Variants in PARD3 observed in about 807,000 individuals in gnomAD.
PARD3 encodes partitioning defective 3 homolog.
In PARD3, 75 loss-of-function variants were observed where a neutral mutation model predicts 155.4. The ratio of observed to expected loss-of-function variants is 0.48; its 90% confidence interval spans 0.40 to 0.58. The LOEUF (loss-of-function observed/expected upper bound fraction) is 0.58. Among genes scored for constraint, PARD3 ranks in the 20% least tolerant of loss-of-function variants. PARD3 has a pLI of 0.00. For synonymous variants in PARD3, 576 were observed against 610.5 expected (o/e 0.94, Z 0.83); for missense variants, 1,642 against 1,721.7 (o/e 0.95, Z 0.82).
chr10:34,339,313 C>T (rs946666357), intron 16 of PARD3, among the ~76,000 whole-genome samples: 15 of 151,616 alleles, frequency 9.9e-5, no homozygotes, highest in Non-Finnish European at 1.9e-4. Context: ...GCCAAGATCG[C>T]GCCACTACAC....
intron 1 of PARD3, among the ~76,000 whole-genome samples, chr10:34,705,170 A>C (rs1431812829): frequency 6.6e-6 from 1 of 152,250 alleles, no homozygotes; most frequent in East Asian, 1.9e-4. Context: ...TTCATTTTTA[A>C]AAATGCTGAT....
rs1410480434 is a variant in PARD3, at chr10:34,434,811, T to G, written c.714+15506A>C. ...CTAAATATCAATGGCTGATAAAAGG[T>G]GCAATATCAGGATCCTGGACTGTCT... On this transcript the variant is annotated intron_variant, in intron 5 of 24. Transcript: ENST00000374788. Among the ~76,000 whole-genome samples, 4 of 152,062 alleles carry G rather than the reference T, an allele frequency of 2.6e-5. No individual in the cohort carries two copies. The East Asian group carries it at 7.7e-4, about 29-fold the overall frequency.
chr10:34,555,942 A>G (rs1195105564), intron 2 of PARD3, among the ~76,000 whole-genome samples: 1 of 152,240 alleles, frequency 6.6e-6, no homozygotes, highest in Admixed American at 6.5e-5. Context: ...AACCAACTAG[A>G]TTATCTCTCC....
At chr10:34,505,692 T>C (rs2081015343) in intron 3 of PARD3, among the ~76,000 whole-genome samples, 2 of 152,208 alleles carry the variant, frequency 1.3e-5, no homozygotes, top group East Asian at 3.8e-4. Context: ...AAAATAATAC[T>C]TCCCTGGCCA....
At chr10:34,163,218 G>A (rs902319569) in intron 22 of PARD3, among the ~76,000 whole-genome samples, 4 of 152,232 alleles carry the variant, frequency 2.6e-5, no homozygotes, top group Admixed American at 1.3e-4. Flanking sequence ...AAGTCTTGGG[G>A]AGGAGGCTTG....
chr10:34,557,982 C>A (rs1461477204), intron 2 of PARD3, among the ~76,000 whole-genome samples: 1 of 150,824 alleles, frequency 6.6e-6, no homozygotes, highest in Non-Finnish European at 1.5e-5. Flanking sequence ...CAAAAGGTAT[C>A]ACAAAACTGT....
At chr10:34,692,813 G>A (rs2094094053) in intron 2 of PARD3, among the ~76,000 whole-genome samples, 1 of 152,232 alleles carries the variant, frequency 6.6e-6, no homozygotes, top group Non-Finnish European at 1.5e-5. Context: ...GATGGAGGTT[G>A]CAGTGAGCTG....
In PARD3 at chr10:34,814,730, C is replaced by T. The variant is rs531126387; in HGVS notation, c.120+146G>A. 3.4e-5 allele frequency: 22 copies of T among 647,506 alleles called. No homozygotes were observed. The Admixed American group carries it at 5.8e-4, about 17-fold the overall frequency. The allele number at this position is 647,506 out of a possible 1,614,324, so 40.1% of individuals were successfully genotyped here. ...GAACTTTGGCGCCCGCAGTCCGGGG[C>T]GGGGGGCGCCCGCGAGGCCCGACCG... On this transcript the variant is annotated intron_variant, in intron 1 of 24. Transcript: ENST00000374788.
At chr10:34,342,685 G>T (rs1836960049) in intron 15 of PARD3, among the ~76,000 whole-genome samples, 1 of 152,124 alleles carries the variant, frequency 6.6e-6, no homozygotes, top group Non-Finnish European at 1.5e-5. Context: ...AAGCGTGAAG[G>T]ATTTTTAAAA....
intron 2 of PARD3, among the ~76,000 whole-genome samples, chr10:34,630,914 A>T (rs1280472504): frequency 6.6e-6 from 1 of 151,982 alleles, no homozygotes; most frequent in Non-Finnish European, 1.5e-5. Context: ...TCCTGGGCTC[A>T]TGCAACCCTG....
chr10:34,584,942 T>G (rs906668535), intron 2 of PARD3, among the ~76,000 whole-genome samples: 1 of 152,012 alleles, frequency 6.6e-6, no homozygotes, highest in African/African-American at 2.4e-5. Flanking sequence ...TTGCAAAGAC[T>G]TTTTTTTCAT....
intron 3 of PARD3, among the ~76,000 whole-genome samples, chr10:34,506,242 G>A (rs1050048491): frequency 1.3e-5 from 2 of 152,182 alleles, no homozygotes; most frequent in African/African-American, 2.4e-5. Flanking sequence ...ATCTTGAGGG[G>A]TAATAAGTAC....
intron 1 of PARD3, among the ~76,000 whole-genome samples, chr10:34,796,023 T>TA (rs1564627870): frequency 6.6e-6 from 1 of 152,228 alleles, no homozygotes; most frequent in Non-Finnish European, 1.5e-5. Context: ...TTAAGATCTT[T>TA]AAAAACTCCA....
intron 2 of PARD3, among the ~76,000 whole-genome samples, chr10:34,653,612 C>T (rs1360937312): frequency 6.6e-6 from 1 of 152,036 alleles, no homozygotes; most frequent in Non-Finnish European, 1.5e-5. Context: ...CAACATCACA[C>T]TTTTATATAA....
intron 23 of PARD3, 118 bp downstream of exon 23, chr10:34,131,345 T>A: frequency 9.5e-7 from 1 of 1,049,810 alleles, no homozygotes; most frequent in Non-Finnish European, 1.4e-6. Flanking sequence ...ATGTTAAAGG[T>A]CAAAGGAATT....
chr10:34,443,884 C>T (rs992815154), intron 5 of PARD3, among the ~76,000 whole-genome samples: 1 of 152,174 alleles, frequency 6.6e-6, no homozygotes, highest in East Asian at 1.9e-4. Flanking sequence ...GCTCCCAAAA[C>T]TCTGGCCTCT....
intron 3 of PARD3, among the ~76,000 whole-genome samples, chr10:34,487,022 A>G (rs1038572758): frequency 1.3e-5 from 2 of 151,986 alleles, no homozygotes; most frequent in African/African-American, 2.4e-5. Context: ...TTTGTAAACC[A>G]CAAATCAGAC....
At chr10:34,126,906 T>C (rs1947318257) in intron 23 of PARD3, among the ~76,000 whole-genome samples, 1 of 151,734 alleles carries the variant, frequency 6.6e-6, no homozygotes, top group South Asian at 2.1e-4. Context: ...GTCATCCAAA[T>C]AATTCCCTGC....
At chr10:34,803,359 T>C (rs1042769326) in intron 1 of PARD3, among the ~76,000 whole-genome samples, 1 of 152,182 alleles carries the variant, frequency 6.6e-6, no homozygotes, top group East Asian at 1.9e-4. Context: ...TCCTGATCCA[T>C]GATGTGTCAC....
Sources: gnomAD v4.1 joint callset for allele counts (sites outside exome capture counted in the v4.1 genomes callset) on GRCh38, gnomAD v4.1.1 for gene constraint, MANE v1.5 for transcripts, NCBI Gene and HGNC (gene_info 2026-07-23, HGNC 2026-07-21) for gene names.